Variants in PCDH11Y observed in about 807,000 individuals in gnomAD.
PCDH11Y encodes protocadherin 11 Y-linked.
For missense variants in PCDH11Y, 12 were observed against 224.8 expected (o/e 0.05, Z 6.05); for synonymous variants, 9 against 83.6 (o/e 0.11, Z 4.87).
chrY:5,715,272 C>T, intron 4 of PCDH11Y, among the ~76,000 whole-genome samples: 5 of 33,872 alleles, frequency 1.5e-4, no homozygotes, highest in Non-Finnish European at 2.9e-4. Flanking sequence ...AGTGAGTACA[C>T]GCAGATGGCT....
intron 4 of PCDH11Y, among the ~76,000 whole-genome samples, chrY:5,674,375 C>T: frequency 3.1e-5 from 1 of 32,438 alleles, no homozygotes; most frequent in Admixed American, 2.9e-4. Flanking sequence ...TACATCTTCA[C>T]TATTAAAGAA....
At chrY:5,365,608 T>C in intron 2 of PCDH11Y, among the ~76,000 whole-genome samples, 1 of 33,391 alleles carries the variant, frequency 3.0e-5, no homozygotes, top group Admixed American at 2.8e-4. Context: ...TCTTCTCCAG[T>C]TGTGTCTGTA....
intron 1 of PCDH11Y, among the ~76,000 whole-genome samples, chrY:5,026,489 C>G: frequency 3.8e-5 from 1 of 26,088 alleles, no homozygotes; most frequent in African/African-American, 1.5e-4. Context: ...ATGAATATAC[C>G]ACACTTTATT....
intron 2 of PCDH11Y, among the ~76,000 whole-genome samples, chrY:5,471,554 C>A: frequency 9.3e-5 from 3 of 32,408 alleles, no homozygotes; most frequent in Non-Finnish European, 2.3e-4. Context: ...CTTATTTTCT[C>A]ACTCTTTAGG....
chrY:5,006,460 A>T, intron 1 of PCDH11Y, among the ~76,000 whole-genome samples: 1 of 32,765 alleles, frequency 3.1e-5, no homozygotes, highest in Admixed American at 2.8e-4. Flanking sequence ...TGTGTATGGT[A>T]AAGGTGCAAT....
At chrY:5,235,922 A>G (rs207480193) in intron 2 of PCDH11Y, among the ~76,000 whole-genome samples, 1 of 33,453 alleles carries the variant, frequency 3.0e-5, no homozygotes, top group Non-Finnish European at 7.4e-5. Flanking sequence ...CCTCACCAAC[A>G]TGATATTTTT....
At chrY:5,106,866 G>A, downstream of PCDH11Y, among the ~76,000 whole-genome samples, 1 of 32,491 alleles carries the variant, frequency 3.1e-5, no homozygotes, top group South Asian at 7.0e-4. Flanking sequence ...TAGAGTGGAG[G>A]TTTCCAAAAT....
intron 2 of PCDH11Y, among the ~76,000 whole-genome samples, chrY:5,374,941 C>A: frequency 3.0e-5 from 1 of 33,469 alleles, no homozygotes; most frequent in African/African-American, 1.2e-4. Flanking sequence ...TTTATGGATA[C>A]AACACAGTTC....
intron 1 of PCDH11Y, among the ~76,000 whole-genome samples, chrY:5,059,489 CAA>C (rs2052670222): frequency 3.0e-5 from 1 of 33,123 alleles, no homozygotes; most frequent in Non-Finnish European, 7.5e-5. Context: ...ACCATCTTGA[CAA>C]ATGTGTTGTT....
chrY:5,026,696 A>G, intron 1 of PCDH11Y, among the ~76,000 whole-genome samples: 2 of 33,500 alleles, frequency 6.0e-5, no homozygotes, highest in African/African-American at 1.2e-4. Context: ...TTTCAGATCC[A>G]GAATTCAGTT....
chrY:5,143,050 A>C, intron 2 of PCDH11Y, among the ~76,000 whole-genome samples: 2 of 32,763 alleles, frequency 6.1e-5, no homozygotes, highest in Admixed American at 5.6e-4. Context: ...TAACATCCTC[A>C]CCAAAGCTTT....
chrY:5,464,509 C>A, intron 2 of PCDH11Y, among the ~76,000 whole-genome samples: 1 of 31,659 alleles, frequency 3.2e-5, no homozygotes, highest in Non-Finnish European at 7.7e-5. Flanking sequence ...ATTCTTTTGC[C>A]TCCTGGGGTT....
intron 3 of PCDH11Y, among the ~76,000 whole-genome samples, chrY:5,562,611 A>G: frequency 3.6e-5 from 1 of 27,605 alleles, no homozygotes; most frequent in Non-Finnish European, 8.5e-5. Context: ...AATACAAAAA[A>G]TTAGCCGGGC....
intron 3 of PCDH11Y, among the ~76,000 whole-genome samples, chrY:5,554,454 C>A: frequency 2.9e-5 from 1 of 33,901 alleles, no homozygotes; most frequent in Non-Finnish European, 7.3e-5. Context: ...TGTTAATCAC[C>A]AAGACAATGG....
chrY:5,737,095 A>G, intron 4 of PCDH11Y, among the ~76,000 whole-genome samples, 177 bp from the exon 6 acceptor site: 1 of 32,917 alleles, frequency 3.0e-5, no homozygotes, highest in Non-Finnish European at 7.5e-5. Flanking sequence ...AGTCATTTAT[A>G]CTTCCCTAAG....
chrY:5,187,576 T>C, intron 2 of PCDH11Y, among the ~76,000 whole-genome samples: 1 of 30,632 alleles, frequency 3.3e-5, no homozygotes, highest in African/African-American at 1.3e-4. Context: ...TAATCATGGC[T>C]GGGACACAGG....
chrY:5,413,419 C>T, intron 2 of PCDH11Y, among the ~76,000 whole-genome samples: 1 of 33,214 alleles, frequency 3.0e-5, no homozygotes, highest in Non-Finnish European at 7.4e-5. Flanking sequence ...TGGGGAGTTT[C>T]TCCATACTCC....
chrY:5,114,752 A>G, intron 2 of PCDH11Y, among the ~76,000 whole-genome samples: 2 of 32,062 alleles, frequency 6.2e-5, no homozygotes, highest in African/African-American at 2.4e-4. Context: ...ACACAATTTT[A>G]ATACCAGAGA....
At chrY:5,334,829 GC>G (rs2053134840) in intron 2 of PCDH11Y, among the ~76,000 whole-genome samples, 1 of 30,404 alleles carries the variant, frequency 3.3e-5, no homozygotes, top group Non-Finnish European at 7.9e-5. Flanking sequence ...CAGTACCAAT[GC>G]CAATATAGAC....
Sources: allele counts gnomAD v4.1 joint callset (sites outside exome capture counted in the v4.1 genomes callset), GRCh38; gene constraint gnomAD v4.1.1; transcripts MANE v1.5; gene names NCBI Gene and HGNC (gene_info 2026-07-23, HGNC 2026-07-21).